ACSM5: variants seen among roughly 807,000 people sequenced by gnomAD.
ACSM5 encodes the protein acyl-coenzyme A synthetase ACSM5, mitochondrial.
In ACSM5, 56 loss-of-function variants were observed where a neutral mutation model predicts 71.6. That is an observed-to-expected ratio of 0.78 (90% CI 0.63 to 0.98). ACSM5 has a LOEUF of 0.98. Ranked by LOEUF, ACSM5 falls within the 50% of genes least tolerant of loss-of-function variation. The pLI, the probability that ACSM5 is intolerant of heterozygous loss-of-function variation, is 0.00. For synonymous variants in ACSM5, 285 were observed against 281.5 expected (o/e 1.01, Z -0.12); for missense variants, 723 against 726.0 (o/e 1.00, Z 0.05).
chr16:20,430,048 GA>G (rs1376722841), intron 8 of ACSM5, among the ~76,000 whole-genome samples: 1 of 152,168 alleles, frequency 6.6e-6, no homozygotes, highest in Non-Finnish European at 1.5e-5. Flanking sequence ...TCAGAAGGAA[GA>G]AGGTGAGAGG....
intron 1 of ACSM5, among the ~76,000 whole-genome samples, 184 bp from the exon 2 acceptor site, chr16:20,411,286 C>T (rs1345999162): frequency 1.3e-5 from 2 of 152,198 alleles, no homozygotes; most frequent in African/African-American, 2.4e-5. Context: ...GGACAGACCT[C>T]GGGGTCAGAG....
In ACSM5 at chr16:20,441,174, A is replaced by G. The variant is rs1967326414; in HGVS notation, c.*747A>G. 6.6e-6 allele frequency: 1 copy of G among 152,144 alleles called. No homozygotes were observed. The highest frequency in any genetic ancestry group is 2.4e-5 in the African/African-American group (1 of 41,436). The allele number at this position is 152,144 out of a possible 1,614,324, so 9.4% of individuals were successfully genotyped here. On this transcript the variant is annotated 3_prime_UTR_variant, in exon 14 of 14. Coordinates refer to ENST00000331849, the MANE Select transcript of ACSM5 (RefSeq NM_017888.3). ...CCCAACTCTGAAAAATAAAGGGAAA[A>G]CTGTGGTTAATTGTAATCCTCCTGG...
intron 2 of ACSM5, among the ~76,000 whole-genome samples, chr16:20,415,644 C>A (rs1298681585): frequency 6.6e-6 from 1 of 152,180 alleles, no homozygotes; most frequent in Non-Finnish European, 1.5e-5. Context: ...ATGTGTTACC[C>A]TTCTTGTAAA....
At chr16:20,410,469 A>T (rs1162465910) in intron 1 of ACSM5, among the ~76,000 whole-genome samples, 1 of 152,182 alleles carries the variant, frequency 6.6e-6, no homozygotes, top group Non-Finnish European at 1.5e-5. Flanking sequence ...AGTGGCTCAC[A>T]TCTGTAATCC....
chr16:20,410,012 C>T (rs1365884817), intron 1 of ACSM5, among the ~76,000 whole-genome samples: 1 of 152,076 alleles, frequency 6.6e-6, no homozygotes, highest in Non-Finnish European at 1.5e-5. Context: ...CTATGTTTTT[C>T]CAGGAAGTGA....
intron 2 of ACSM5, among the ~76,000 whole-genome samples, chr16:20,415,111 A>T (rs1373033638): frequency 6.6e-6 from 1 of 152,140 alleles, no homozygotes; most frequent in Admixed American, 6.5e-5. Flanking sequence ...ATGTGGACTG[A>T]TTTCTTCTTG....
At position 20,429,711 on chromosome 16, in the gene ACSM5, C is replaced by A; in HGVS notation, c.1035C>A (p.Thr345=). ...TTCAGAGCCTGAGGCACTGTCTGAC[C>A]GGAGGAGAGGCCCTCAACCCTGACG... is the stretch of plus-strand genomic sequence containing the variant. ...YQFQSLRHCL[T]GGEALNPDVR... The change falls in exon 8 of 14, where the codon ACC becomes ACA. Residue 345 remains threonine, a synonymous_variant. Coordinates refer to ENST00000331849, the MANE Select transcript of ACSM5 (RefSeq NM_017888.3). 2 of 1,613,766 alleles carry A rather than the reference C, an allele frequency of 1.2e-6. No homozygotes were observed. Among genetic ancestry groups the A allele is most frequent in the African/African-American group, 1.3e-5 (1 of 75,010 alleles).
intron 6 of ACSM5, among the ~76,000 whole-genome samples, chr16:20,426,570 A>C (rs117816027): frequency 6.6e-6 from 1 of 152,376 alleles, no homozygotes; most frequent in East Asian, 1.9e-4. Flanking sequence ...AATATTACCC[A>C]GCCTTAAAAA....
At chr16:20,424,217 C>G in intron 6 of ACSM5, 148 bp downstream of exon 6, 1 of 970,564 alleles carries the variant, frequency 1.0e-6, no homozygotes, top group South Asian at 1.7e-5. Flanking sequence ...AATCTGGTTC[C>G]TGACCACCTG....
intron 12 of ACSM5, among the ~76,000 whole-genome samples, chr16:20,438,842 C>G (rs941645228): frequency 6.6e-6 from 1 of 150,480 alleles, no homozygotes; most frequent in African/African-American, 2.4e-5. Context: ...ATAATCCCAG[C>G]TACTCGGGAG....
At chr16:20,410,059 T>C (rs1207156380) in intron 1 of ACSM5, among the ~76,000 whole-genome samples, 3 of 152,252 alleles carry the variant, frequency 2.0e-5, no homozygotes, top group Non-Finnish European at 4.4e-5. Flanking sequence ...AGCCTCATTT[T>C]CTTTATCTTT....
At chr16:20,414,804 T>C (rs1459893540) in intron 2 of ACSM5, among the ~76,000 whole-genome samples, 1 of 152,194 alleles carries the variant, frequency 6.6e-6, no homozygotes, top group Non-Finnish European at 1.5e-5. Context: ...GAAATGCAGA[T>C]ATTAATGATT....
At chr16:20,438,080 C>T (rs1214227447) in intron 12 of ACSM5, among the ~76,000 whole-genome samples, 1 of 151,804 alleles carries the variant, frequency 6.6e-6, no homozygotes, top group Non-Finnish European at 1.5e-5. Context: ...CCACCCACCC[C>T]GGCTCCCAAA....
At position 20,429,747 on chromosome 16, in the gene ACSM5, G is replaced by T; in HGVS notation, c.1071G>T (p.Lys357Asn). ...CCCTCAACCCTGACGTGAGGGAGAA[G>T]TGGAAACACCAGACTGGTGTGGAGC... ...GEALNPDVREKWKHQTGVELY... is the reference protein window; with the variant it reads ...GEALNPDVRENWKHQTGVELY... The change falls in exon 8 of 14, where the codon AAG becomes AAT. Residue 357 changes from lysine (K) to asparagine (N), a missense_variant. Coordinates refer to ENST00000331849, the MANE Select transcript of ACSM5 (RefSeq NM_017888.3). 6.2e-7 allele frequency: 1 copy of T among 1,611,896 alleles called. No homozygotes were observed. Among genetic ancestry groups the T allele is most frequent in the Non-Finnish European group, 8.5e-7 (1 of 1,179,002 alleles).
chr16:20,423,811 G>A (rs746007779), intron 5 of ACSM5, 105 bp from the exon 6 acceptor site: 213 of 1,364,554 alleles, frequency 1.6e-4, no homozygotes, highest in Admixed American at 4.8e-4. Flanking sequence ...AAGTATAAGT[G>A]AGTACCCACT....
chr16:20,431,158 G>T (rs1456863085), intron 9 of ACSM5, 62 bp from the exon 10 acceptor site: 21 of 1,586,816 alleles, frequency 1.3e-5, no homozygotes, highest in Non-Finnish European at 1.8e-5. Context: ...CTGCTGGGCT[G>T]CTGGGAGAGG....
chr16:20,426,041 C>G (rs150994345), intron 6 of ACSM5, among the ~76,000 whole-genome samples: 6,574 of 151,966 alleles, frequency 0.043, 148 homozygotes, highest in South Asian at 0.058. Context: ...GTTTACATTC[C>G]TACCAGCAAT....
chr16:20,438,309 T>C (rs1423073186), intron 12 of ACSM5, among the ~76,000 whole-genome samples: 1 of 151,958 alleles, frequency 6.6e-6, no homozygotes, highest in African/African-American at 2.4e-5. Context: ...ACAGGAGAGA[T>C]TCTCAAAGTC....
chr16:20,415,974 CA>C (rs1378677668), intron 2 of ACSM5, among the ~76,000 whole-genome samples: 1 of 152,050 alleles, frequency 6.6e-6, no homozygotes, highest in African/African-American at 2.4e-5. Context: ...GAAATGATTT[CA>C]TTTACTAATA....
Sources: allele counts gnomAD v4.1 joint callset (sites outside exome capture counted in the v4.1 genomes callset), GRCh38; gene constraint gnomAD v4.1.1; transcripts MANE v1.5; gene names NCBI Gene and HGNC (gene_info 2026-07-23, HGNC 2026-07-21).